Variants in GRB10 observed in about 807,000 individuals in gnomAD.
GRB10 encodes growth factor receptor bound protein 10.
In GRB10, 20 loss-of-function variants were observed where a neutral mutation model predicts 80.9. That is an observed-to-expected ratio of 0.25 (90% CI 0.17 to 0.36). GRB10 has a LOEUF of 0.36. Ranked by LOEUF, GRB10 falls within the 10% of genes least tolerant of loss-of-function variation. The pLI is 1.00. For missense variants in GRB10, 548 were observed against 747.7 expected (o/e 0.73, Z 3.12); for synonymous variants, 291 against 291.5 (o/e 1.00, Z 0.02).
At chr7:50,709,924 A>G (rs73697063) in intron 4 of GRB10, among the ~76,000 whole-genome samples, 1,861 of 152,060 alleles carry the variant, frequency 0.012, 38 homozygotes, top group African/African-American at 0.042. Flanking sequence ...TCATACCTCC[A>G]TGGCACTCTA....
At chr7:50,705,164 G>A in intron 4 of GRB10, 1 of 985,678 alleles carries the variant, frequency 1.0e-6, no homozygotes, top group Non-Finnish European at 1.2e-6. Flanking sequence ...GTTTAGGTCT[G>A]GTCAACGCTG....
chr7:50,770,621 C>A (rs1342133852), intron 2 of GRB10, among the ~76,000 whole-genome samples: 1 of 152,124 alleles, frequency 6.6e-6, no homozygotes, highest in East Asian at 1.9e-4. Flanking sequence ...CATTCCGTCG[C>A]GAATGCACAG....
At chr7:50,617,252 T>A (rs911307784) in intron 10 of GRB10, among the ~76,000 whole-genome samples, 1 of 152,174 alleles carries the variant, frequency 6.6e-6, no homozygotes, top group Middle Eastern at 3.2e-3. Flanking sequence ...ACTCTTATCT[T>A]TTAGATGCTG....
At chr7:50,781,078 CA>C (rs2078222242) in intron 1 of GRB10, 1 of 152,142 alleles carries the variant, frequency 6.6e-6, no homozygotes, top group Admixed American at 6.5e-5. Context: ...GTGCAATTAC[CA>C]TAACTCCATT....
In GRB10 at chr7:50,732,319, C is replaced by T. The variant is rs780678636; in HGVS notation, c.4G>A (p.Ala2Thr). 1 of 1,614,052 alleles carries T rather than the reference C, an allele frequency of 6.2e-7. No individual in the cohort carries two copies. Among genetic ancestry groups the T allele is most frequent in the South Asian group, 1.1e-5 (1 of 91,086 alleles). Residue 2 changes from alanine (A) to threonine (T), a missense_variant, in exon 4 of 19, where the codon GCT (alanine) becomes ACT (threonine). Around this residue, in one of 4 missense-constraint regions of GRB10, gnomAD observed 245 missense variants for 229.3 expected, o/e 1.07. Coordinates refer to ENST00000401949, the MANE Select transcript of GRB10 (RefSeq NM_001350814.2). ...AAGGAATCTGGGCAGCCGGCTAAAG[C>T]CATGGGTTCCTTCTGCCTTCTTCAA... is the stretch of plus-strand genomic sequence containing the variant. M[A>T]LAGCPDSFLH... is the part of the protein sequence containing the mutation.
rs557142337 is a variant in GRB10, at chr7:50,676,682, G to C, written c.140-2024C>G. The stretch of plus-strand genomic sequence containing the variant: ...CTCCCCTCATCTCTCAAGGCTAAAG[G>C]GCATAACAAGACAAGACATAAGGAA... On this transcript the variant is annotated intron_variant, in intron 5 of 18. Coordinates refer to ENST00000401949, the MANE Select transcript of GRB10 (RefSeq NM_001350814.2). Among the ~76,000 whole-genome samples the C allele has an allele frequency of 8.1e-4, 123 of 152,210 alleles. 1 individual carries two copies. Among genetic ancestry groups the C allele is most frequent in the African/African-American group, 2.9e-3 (121 of 41,520 alleles).
intron 15 of GRB10, 170 bp downstream of exon 15, chr7:50,605,120 A>ATGGAAGGGGCC: frequency 1.6e-6 from 1 of 641,562 alleles, no homozygotes; most frequent in Non-Finnish European, 2.8e-6. Flanking sequence ...TGCTGGGAAC[A>ATGGAAGGGGCC]TGGAAGGGGC....
In GRB10 at chr7:50,630,890, C is replaced by T. The variant is rs892767208; in HGVS notation, c.505-3912G>A. ...TGCTAATAGAAGGTTCCACTGTTCC[C>T]AGACTTTCTGTTGTCACTTTTTACA... On this transcript the variant is annotated intron_variant, in intron 7 of 18. Coordinates refer to ENST00000401949, the MANE Select transcript of GRB10 (RefSeq NM_001350814.2). 7.2e-5 allele frequency among the ~76,000 whole-genome samples: 11 copies of T among 152,194 alleles called. 1 individual carries two copies. The highest frequency in any genetic ancestry group is 2.6e-4 in the Admixed American group (4 of 15,284).
intron 17 of GRB10, among the ~76,000 whole-genome samples, chr7:50,596,477 C>T (rs1041998838): frequency 1.3e-5 from 2 of 152,176 alleles, no homozygotes; most frequent in Admixed American, 6.5e-5. Context: ...CTACTCGAAA[C>T]GCAGGTCAAG....
intron 2 of GRB10, among the ~76,000 whole-genome samples, chr7:50,768,533 C>T (rs560389349): frequency 1.3e-5 from 2 of 152,308 alleles, no homozygotes; most frequent in South Asian, 4.1e-4. Context: ...TCACTCAGTA[C>T]ACACTTACCA....
intron 1 of GRB10, among the ~76,000 whole-genome samples, chr7:50,792,258 A>C (rs1562727792): frequency 6.7e-6 from 1 of 149,640 alleles, no homozygotes; most frequent in Non-Finnish European, 1.5e-5. Context: ...CATCTCTTGA[A>C]TGAAACTGGG....
intron 7 of GRB10, among the ~76,000 whole-genome samples, chr7:50,648,091 G>C (rs921020331): frequency 1.3e-5 from 2 of 152,112 alleles, no homozygotes; most frequent in African/African-American, 4.8e-5. Flanking sequence ...AATCAACATA[G>C]GGACAAGATG....
rs528443426 is a variant in GRB10 at position 50,766,486 on chromosome 7, A to T, written c.-216-10430T>A. 3.2e-4 allele frequency among the ~76,000 whole-genome samples: 49 copies of T among 152,042 alleles called. 1 individual carries two copies. The South Asian group carries it at 7.7e-3, about 24-fold the overall frequency. ...TTTTAAAAAAAGTTAAAGGAGTTTT[A>T]AAAAAAAGGGGCGGGTTAAAGAAAA... On this transcript the variant is annotated intron_variant, in intron 2 of 18. Transcript: ENST00000401949.
At chr7:50,637,520 T>C (rs553843517) in intron 7 of GRB10, among the ~76,000 whole-genome samples, 2 of 151,954 alleles carry the variant, frequency 1.3e-5, no homozygotes, top group East Asian at 3.9e-4. Flanking sequence ...CAAGGAAAAC[T>C]ACAAACCCTC....
intron 2 of GRB10, among the ~76,000 whole-genome samples, chr7:50,767,844 T>C (rs2076527454): frequency 6.6e-6 from 1 of 152,198 alleles, no homozygotes; most frequent in Non-Finnish European, 1.5e-5. Context: ...ACTTTGCTCC[T>C]GTGTTGCAAT....
At chr7:50,606,525 C>CT in intron 13 of GRB10, 111 bp from the exon 14 acceptor site, 1 of 789,432 alleles carries the variant, frequency 1.3e-6, no homozygotes, top group South Asian at 1.4e-5. Flanking sequence ...GGGAGTGATG[C>CT]CCTGTACCAG....
intron 2 of GRB10, chr7:50,779,044 T>A (rs1286692627): frequency 6.6e-6 from 1 of 152,198 alleles, no homozygotes; most frequent in African/African-American, 2.4e-5. Context: ...TTTAAGAATG[T>A]CATTTACAAC....
At chr7:50,632,864 C>A (rs2054265290) in intron 7 of GRB10, among the ~76,000 whole-genome samples, 1 of 152,154 alleles carries the variant, frequency 6.6e-6, no homozygotes, top group Non-Finnish European at 1.5e-5. Flanking sequence ...AGAGGTGTCC[C>A]TAGACCCCCG....
At chr7:50,642,220 T>C (rs375616738) in intron 7 of GRB10, among the ~76,000 whole-genome samples, 1 of 151,932 alleles carries the variant, frequency 6.6e-6, no homozygotes. Context: ...CAAAGGGCCA[T>C]GCACTCAGAA....
Sources: gnomAD v4.1 joint callset for allele counts (sites outside exome capture counted in the v4.1 genomes callset) on GRCh38, gnomAD v4.1.1 for gene constraint, gnomAD v4.1.1 regional missense constraint, MANE v1.5 for transcripts, NCBI Gene and HGNC (gene_info 2026-07-23, HGNC 2026-07-21) for gene names.